Variants in CSMD1 observed in about 807,000 individuals in gnomAD.
The protein encoded by CSMD1 is CUB and Sushi multiple domains 1.
CSMD1 carries 213 observed loss-of-function variants against 417.5 expected under a neutral mutation model. The observed-to-expected ratio is 0.51, with a 90% CI of 0.46 to 0.57. CSMD1 has a LOEUF of 0.57. Among genes scored for constraint, CSMD1 ranks in the 20% least tolerant of loss-of-function variants. The pLI is 0.00. For synonymous variants in CSMD1, 2,862 were observed against 1,736.8 expected, an observed-to-expected ratio of 1.65 and a Z score of -16.11; for missense variants, 6,923 against 4,529.7, an observed-to-expected ratio of 1.53 and a Z score of -15.17.
intron 7 of CSMD1, among the ~76,000 whole-genome samples, chr8:3,693,323 A>T (rs757697694): frequency 1.3e-5 from 2 of 151,722 alleles, no homozygotes; most frequent in African/African-American, 4.8e-5. Context: ...ATATATGATA[A>T]TTTTTTTTTC....
chr8:4,828,132 C>G (rs767626539), intron 1 of CSMD1, among the ~76,000 whole-genome samples: 19 of 152,102 alleles, frequency 1.2e-4, no homozygotes, highest in Non-Finnish European at 2.6e-4. Context: ...ATCACTACAA[C>G]TTATCCCACG....
At chr8:3,924,097 T>A (rs894879804) in intron 5 of CSMD1, among the ~76,000 whole-genome samples, 1 of 152,230 alleles carries the variant, frequency 6.6e-6, no homozygotes, top group Non-Finnish European at 1.5e-5. Flanking sequence ...ATGAAATTTC[T>A]CAGCTCTTGT....
At chr8:4,353,804 G>T (rs188942219) in intron 3 of CSMD1, among the ~76,000 whole-genome samples, 2 of 151,952 alleles carry the variant, frequency 1.3e-5, no homozygotes, top group African/African-American at 4.8e-5. Flanking sequence ...TAAATGGCTC[G>T]ATCATTAAAA....
rs58291340 is a variant in CSMD1, at chr8:4,390,497, T to TTTTTTTA, written c.415+29455_415+29456insTAAAAAA. ...AACTGTTACCCACAGAAGCGTCCAT[T>TTTTTTTA]TTTATTTATTTATTTATTTATTTAT... On this transcript the variant is annotated intron_variant, in intron 3 of 69. Transcript: ENST00000635120. 1.2e-3 allele frequency among the ~76,000 whole-genome samples: 165 copies of TTTTTTTA among 140,354 alleles called. 1 individual carries two copies. Among genetic ancestry groups the TTTTTTTA allele is most frequent in the African/African-American group, 3.6e-3 (132 of 37,140 alleles). 92.1% of individuals were successfully genotyped at this position (140,354 alleles called of 152,430 possible).
chr8:3,675,811 C>T (rs888259797), intron 7 of CSMD1, among the ~76,000 whole-genome samples: 1 of 152,176 alleles, frequency 6.6e-6, no homozygotes, highest in Non-Finnish European at 1.5e-5. Context: ...TTTGTTATAG[C>T]AGCCAGAGTT....
chr8:4,614,699 A>G (rs1475213098), intron 2 of CSMD1, among the ~76,000 whole-genome samples: 2 of 152,252 alleles, frequency 1.3e-5, no homozygotes, highest in African/African-American at 2.4e-5. Flanking sequence ...AATGCACACC[A>G]TTCATGGAAC....
At chr8:3,824,757 A>T (rs1306251630) in intron 5 of CSMD1, among the ~76,000 whole-genome samples, 1 of 152,122 alleles carries the variant, frequency 6.6e-6, no homozygotes, top group African/African-American at 2.4e-5. Context: ...TGTGGCTCAC[A>T]TTGGTGGCTC....
chr8:4,258,217 T>A, intron 3 of CSMD1, among the ~76,000 whole-genome samples: 1 of 148,464 alleles, frequency 6.7e-6, no homozygotes. Flanking sequence ...AGTTCTGAGA[T>A]TAAAGGCATG....
chr8:4,321,751 C>T (rs967557378), intron 3 of CSMD1, among the ~76,000 whole-genome samples: 6 of 152,064 alleles, frequency 3.9e-5, no homozygotes, highest in Non-Finnish European at 7.4e-5. Context: ...ATTAAGAGTA[C>T]TTTCAAAAAG....
chr8:4,046,556 CTG>C (rs1415690887), intron 3 of CSMD1, among the ~76,000 whole-genome samples: 2 of 152,194 alleles, frequency 1.3e-5, no homozygotes, highest in East Asian at 3.9e-4. Context: ...CATAGTATAA[CTG>C]TGGGCTTCCA....
chr8:3,545,270 G>A (rs1391236502), intron 10 of CSMD1, among the ~76,000 whole-genome samples: 1 of 152,156 alleles, frequency 6.6e-6, no homozygotes, highest in African/African-American at 2.4e-5. Flanking sequence ...TTTAAAGAAG[G>A]ACATGGTCTT....
chr8:4,793,558 C>A (rs1049763033), intron 1 of CSMD1, among the ~76,000 whole-genome samples: 18 of 151,952 alleles, frequency 1.2e-4, no homozygotes, highest in African/African-American at 4.4e-4. Context: ...GAAATTATTT[C>A]TATCATTTAC....
rs566993229 is a variant in CSMD1, at chr8:3,785,245, C to T, written c.819-31203G>A. On this transcript the variant is annotated intron_variant, in intron 5 of 69. Coordinates refer to ENST00000635120, the MANE Select transcript of CSMD1 (RefSeq NM_033225.6). ...AATCCATCACAGTTTGTGAAATGCTCAGAAGAGTGTCTGTTTCAAAGCAAG... is the reference window on the plus strand; with the variant it reads ...AATCCATCACAGTTTGTGAAATGCTTAGAAGAGTGTCTGTTTCAAAGCAAG... Among the ~76,000 whole-genome samples the T allele has an allele frequency of 4.7e-4, 72 of 152,322 alleles. 2 individuals carry two copies. The highest frequency in any genetic ancestry group is 3.4e-3 in the Middle Eastern group (1 of 294).
chr8:3,371,494 A>G (rs1352806729), intron 18 of CSMD1, among the ~76,000 whole-genome samples: 1 of 150,372 alleles, frequency 6.7e-6, no homozygotes, highest in East Asian at 1.9e-4. Flanking sequence ...TTTTTTTAAC[A>G]TGCCCACATT....
At chr8:4,037,470 G>C (rs555147670) in intron 3 of CSMD1, among the ~76,000 whole-genome samples, 8 of 152,238 alleles carry the variant, frequency 5.3e-5, no homozygotes, top group East Asian at 1.9e-4. Context: ...TTGCTTTTTT[G>C]TCTTCTCTAC....
chr8:3,003,463 A>G (rs1323091570), intron 52 of CSMD1, among the ~76,000 whole-genome samples: 1 of 152,202 alleles, frequency 6.6e-6, no homozygotes, highest in Non-Finnish European at 1.5e-5. Flanking sequence ...CATATCAGTC[A>G]CACACTGAGT....
chr8:4,557,188 G>A (rs574348746), intron 2 of CSMD1, among the ~76,000 whole-genome samples: 2 of 152,058 alleles, frequency 1.3e-5, no homozygotes, highest in Non-Finnish European at 2.9e-5. Context: ...ATTTGGTGAC[G>A]GATTCGAGGC....
At chr8:3,726,200 G>T (rs560026827) in intron 6 of CSMD1, among the ~76,000 whole-genome samples, 1 of 152,132 alleles carries the variant, frequency 6.6e-6, no homozygotes, top group African/African-American at 2.4e-5. Context: ...CTCAGCCTCC[G>T]TTGCCTGCAG....
At chr8:3,409,637 A>G in intron 12 of CSMD1, 32 bp from the exon 13 acceptor site, 1 of 1,506,188 alleles carries the variant, frequency 6.6e-7, no homozygotes, top group Admixed American at 2.0e-5. Context: ...AACCCTTAAA[A>G]AAACACACAC....
Sources: gnomAD v4.1 joint callset for allele counts (sites outside exome capture counted in the v4.1 genomes callset) on GRCh38, gnomAD v4.1.1 for gene constraint, MANE v1.5 for transcripts, NCBI Gene and HGNC (gene_info 2026-07-23, HGNC 2026-07-21) for gene names.